Variants in DOCK2 observed in about 807,000 individuals in gnomAD.
DOCK2 encodes the protein dedicator of cytokinesis 2, also known as dedicator of cytokinesis protein 2.
In DOCK2, 87 loss-of-function variants were observed where a neutral mutation model predicts 248.9. The observed-to-expected ratio is 0.35, with a 90% CI of 0.29 to 0.42. DOCK2 has a LOEUF of 0.42. DOCK2 is among the 10% of genes least tolerant of loss of function. The pLI, the probability that DOCK2 is intolerant of heterozygous loss-of-function variation, is 1.00. For synonymous variants in DOCK2, 805 were observed against 821.6 expected (o/e 0.98, Z 0.35); for missense variants, 1,747 against 2,300.2 (o/e 0.76, Z 4.92).
intron 13 of DOCK2, among the ~76,000 whole-genome samples, chr5:169,700,957 G>GAAAA (rs1322802096): frequency 4.6e-5 from 7 of 151,628 alleles, no homozygotes; most frequent in Non-Finnish European, 1.0e-4. Flanking sequence ...AAGAAAGAAA[G>GAAAA]AAAGAAAGAG....
At chr5:169,790,587 C>T (rs953950211) in intron 25 of DOCK2, among the ~76,000 whole-genome samples, 2 of 152,176 alleles carry the variant, frequency 1.3e-5, no homozygotes, top group Admixed American at 1.3e-4. Context: ...CCACTTTATT[C>T]CAGCCTGTCT....
intron 38 of DOCK2, 95 bp from the exon 39 acceptor site, chr5:170,045,721 C>G (rs1447099008): frequency 8.0e-7 from 1 of 1,252,430 alleles, no homozygotes; most frequent in Non-Finnish European, 1.2e-6. Flanking sequence ...CCCCTCAGTC[C>G]CAGGAAGCAC....
At chr5:169,708,985 T>C (rs1426728595) in intron 15 of DOCK2, among the ~76,000 whole-genome samples, 1 of 152,246 alleles carries the variant, frequency 6.6e-6, no homozygotes, top group Non-Finnish European at 1.5e-5. Flanking sequence ...GGGCAAGTCA[T>C]TCACCTGCTC....
chr5:169,643,686 G>A (rs1051779743), intron 1 of DOCK2, among the ~76,000 whole-genome samples: 1 of 152,100 alleles, frequency 6.6e-6, no homozygotes, highest in African/African-American at 2.4e-5. Flanking sequence ...CTGGGGAGTT[G>A]GGGACCCCTG....
chr5:169,718,434 T>C (rs1451100327), intron 21 of DOCK2, among the ~76,000 whole-genome samples: 3 of 152,160 alleles, frequency 2.0e-5, no homozygotes, highest in Non-Finnish European at 4.4e-5. Context: ...TTTTTTTTCC[T>C]CCCTATCTTT....
intron 23 of DOCK2, among the ~76,000 whole-genome samples, chr5:169,750,707 T>G (rs1247807319): frequency 6.6e-6 from 1 of 152,212 alleles, no homozygotes; most frequent in African/African-American, 2.4e-5. Flanking sequence ...TCTTTTTCAA[T>G]TTGCTCTAAG....
chr5:169,690,971 A>G (rs951918381), intron 9 of DOCK2, among the ~76,000 whole-genome samples: 3 of 152,188 alleles, frequency 2.0e-5, no homozygotes, highest in African/African-American at 7.2e-5. Context: ...TTGCATGGCT[A>G]TAAAGAAATC....
rs759764918 is a variant in DOCK2 at position 170,069,134 on chromosome 5, C to T, written c.4645-3C>T. The stretch of plus-strand genomic sequence containing the variant: ...ACCCTGACCTCCTATCTGTCCTCCC[C>T]AGGCCTTCTTCACTGAAGAGTATGT... On this transcript the variant is annotated splice_region_variant and splice_polypyrimidine_tract_variant and intron_variant, in intron 45 of 51. Transcript: ENST00000520908. 2.5e-6 allele frequency: 4 copies of T among 1,613,538 alleles called. No homozygotes were observed. The East Asian group carries it at 6.7e-5, about 27-fold the overall frequency.
chr5:169,942,139 A>G (rs924521772), intron 27 of DOCK2, among the ~76,000 whole-genome samples: 2 of 152,238 alleles, frequency 1.3e-5, no homozygotes, highest in African/African-American at 4.8e-5. Flanking sequence ...AGATTCTCTC[A>G]TTAAGATGTT....
At chr5:169,774,934 A>G (rs934255416) in intron 25 of DOCK2, among the ~76,000 whole-genome samples, 6 of 151,980 alleles carry the variant, frequency 3.9e-5, no homozygotes, top group Admixed American at 6.6e-5. Context: ...TTTGAGACAG[A>G]GTCTCATTCT....
intron 23 of DOCK2, among the ~76,000 whole-genome samples, chr5:169,758,192 ACT>A (rs1287652302): frequency 6.6e-6 from 1 of 152,176 alleles, no homozygotes; most frequent in Non-Finnish European, 1.5e-5. Context: ...AAAAGAATCC[ACT>A]CTATGAGAAG....
intron 26 of DOCK2, among the ~76,000 whole-genome samples, chr5:169,836,854 A>G (rs1386066951): frequency 1.3e-5 from 2 of 152,180 alleles, no homozygotes; most frequent in Non-Finnish European, 2.9e-5. Flanking sequence ...AAAAGGCCAC[A>G]TTTTTTATAT....
chr5:169,737,718 C>T (rs1192061672), intron 22 of DOCK2, among the ~76,000 whole-genome samples: 1 of 152,156 alleles, frequency 6.6e-6, no homozygotes, highest in East Asian at 1.9e-4. Flanking sequence ...TGAGAGAACC[C>T]AGCAATTCCA....
At chr5:170,026,560 A>T (rs189532828) in intron 33 of DOCK2, among the ~76,000 whole-genome samples, 162 of 152,244 alleles carry the variant, frequency 1.1e-3, no homozygotes, top group African/African-American at 3.7e-3. Context: ...TTATTTTTTA[A>T]TGGTAAAATG....
At chr5:169,752,583 T>TA (rs75976522) in intron 23 of DOCK2, among the ~76,000 whole-genome samples, 15,883 of 132,216 alleles carry the variant, frequency 0.12, 1,416 homozygotes, top group Admixed American at 0.29. Context: ...GACAAAAAAT[T>TA]AAAAAAAAAA....
At chr5:170,030,686 C>A (rs921399009) in intron 34 of DOCK2, among the ~76,000 whole-genome samples, 1 of 152,194 alleles carries the variant, frequency 6.6e-6, no homozygotes, top group Non-Finnish European at 1.5e-5. Flanking sequence ...CACATTTTCA[C>A]ATAGAGGACA....
At chr5:170,075,858 G>T in intron 46 of DOCK2, 89 bp from the exon 47 acceptor site, 1 of 1,554,614 alleles carries the variant, frequency 6.4e-7, no homozygotes. Context: ...TTAGCAGGCA[G>T]ACTTGACTGC....
intron 35 of DOCK2, among the ~76,000 whole-genome samples, chr5:170,035,900 T>A (rs1756307036): frequency 6.6e-6 from 1 of 152,152 alleles, no homozygotes; most frequent in Non-Finnish European, 1.5e-5. Flanking sequence ...TGTAGGGACT[T>A]GTTTAAAAAA....
intron 37 of DOCK2, 41 bp from the exon 38 acceptor site, chr5:170,041,972 C>A (rs1324796005): frequency 6.2e-7 from 1 of 1,604,878 alleles, no homozygotes; most frequent in African/African-American, 1.3e-5. Context: ...CTCTTGGCAG[C>A]CTCTCGGCCC....
Sources: allele counts gnomAD v4.1 joint callset (sites outside exome capture counted in the v4.1 genomes callset), GRCh38; gene constraint gnomAD v4.1.1; transcripts MANE v1.5; gene names NCBI Gene and HGNC (gene_info 2026-07-23, HGNC 2026-07-21).